CTNND2: variants seen among roughly 807,000 people sequenced by gnomAD.
The protein encoded by CTNND2 is catenin delta 2.
CTNND2 carries 22 observed loss-of-function variants against 144.4 expected under a neutral mutation model. The ratio of observed to expected loss-of-function variants is 0.15; its 90% CI spans 0.11 to 0.22. The LOEUF is 0.22. Among genes scored for constraint, CTNND2 ranks in the 10% least tolerant of loss-of-function variants. The probability of loss-of-function intolerance (pLI) is 1.00; values close to 1 mark genes in which losing one functional copy is unlikely to be tolerated. For missense variants in CTNND2, 1,353 were observed against 1,618.8 expected (o/e 0.84, Z 2.82); for synonymous variants, 751 against 695.6 (o/e 1.08, Z -1.25).
At chr5:11,793,356 T>A (rs1791238263) in intron 1 of CTNND2, among the ~76,000 whole-genome samples, 1 of 152,144 alleles carries the variant, frequency 6.6e-6, no homozygotes, top group Non-Finnish European at 1.5e-5. Context: ...TCACACACAG[T>A]ATTATTGGTT....
chr5:11,856,944 T>G (rs1471322095), intron 1 of CTNND2, among the ~76,000 whole-genome samples: 2 of 152,178 alleles, frequency 1.3e-5, no homozygotes, highest in African/African-American at 2.4e-5. Flanking sequence ...TTCAAAATTA[T>G]CAAATTCCCA....
intron 14 of CTNND2, among the ~76,000 whole-genome samples, chr5:11,109,844 C>A (rs1365311426): frequency 6.6e-6 from 1 of 151,174 alleles, no homozygotes; most frequent in East Asian, 1.9e-4. Flanking sequence ...TCTGCTTTTT[C>A]AAGAAACACA....
chr5:11,799,878 T>C (rs569002875), intron 1 of CTNND2, among the ~76,000 whole-genome samples: 20 of 152,284 alleles, frequency 1.3e-4, no homozygotes, highest in Non-Finnish European at 2.8e-4. Flanking sequence ...AGAGGAATGC[T>C]AGATTCAGAC....
intron 2 of CTNND2, among the ~76,000 whole-genome samples, chr5:11,654,955 T>C (rs1331061678): frequency 6.6e-6 from 1 of 152,082 alleles, no homozygotes; most frequent in Non-Finnish European, 1.5e-5. Context: ...TTTTTAATCA[T>C]GAAAAGATGT....
At chr5:11,827,128 C>G (rs1478628110) in intron 1 of CTNND2, among the ~76,000 whole-genome samples, 1 of 152,000 alleles carries the variant, frequency 6.6e-6, no homozygotes, top group Non-Finnish European at 1.5e-5. Context: ...AAAACATTCC[C>G]TCTAAACAAA....
chr5:11,749,267 A>G (rs555145085), intron 1 of CTNND2, among the ~76,000 whole-genome samples: 23 of 152,058 alleles, frequency 1.5e-4, no homozygotes, highest in Non-Finnish European at 2.1e-4. Context: ...CATGAGATAA[A>G]TATTAGTTGT....
chr5:11,221,626 C>G (rs968270006), intron 10 of CTNND2, among the ~76,000 whole-genome samples: 2 of 152,196 alleles, frequency 1.3e-5, no homozygotes, highest in Admixed American at 1.3e-4. Flanking sequence ...TCACATGATA[C>G]GAAGCCTTCT....
At chr5:11,821,084 G>T (rs1400968501) in intron 1 of CTNND2, among the ~76,000 whole-genome samples, 1 of 152,112 alleles carries the variant, frequency 6.6e-6, no homozygotes, top group Non-Finnish European at 1.5e-5. Flanking sequence ...TTCTCCAAAT[G>T]TTAGCCAGTT....
At chr5:11,723,426 TGAA>T (rs1363758471) in intron 2 of CTNND2, among the ~76,000 whole-genome samples, 1 of 152,112 alleles carries the variant, frequency 6.6e-6, no homozygotes, top group Non-Finnish European at 1.5e-5. Context: ...GGGCACATTC[TGAA>T]GCGATATGCA....
intron 2 of CTNND2, among the ~76,000 whole-genome samples, chr5:11,593,703 A>G (rs764086949): frequency 2.3e-4 from 35 of 152,096 alleles, no homozygotes; most frequent in Non-Finnish European, 4.0e-4. Context: ...TTCACTTTCC[A>G]TCATGATTGT....
At chr5:11,877,141 T>C (rs985728674) in intron 1 of CTNND2, among the ~76,000 whole-genome samples, 2 of 152,158 alleles carry the variant, frequency 1.3e-5, no homozygotes, top group Non-Finnish European at 2.9e-5. Context: ...AAGAATGTTT[T>C]AATTCCTGGT....
At chr5:11,590,447 A>C (rs1319336023) in intron 2 of CTNND2, among the ~76,000 whole-genome samples, 4 of 152,126 alleles carry the variant, frequency 2.6e-5, no homozygotes, top group Non-Finnish European at 5.9e-5. Context: ...CCCAGCATCA[A>C]ATCCATTCTC....
At chr5:11,385,362 T>G (rs1758977021) in intron 6 of CTNND2, 133 bp from the exon 7 acceptor site, 1 of 477,788 alleles carries the variant, frequency 2.1e-6, no homozygotes, top group Non-Finnish European at 2.7e-6. Context: ...CGATCCCAGC[T>G]GCGCTCGGGG....
chr5:11,240,156 T>TCA (rs1174304497), intron 9 of CTNND2, among the ~76,000 whole-genome samples: 1 of 30,220 alleles, frequency 3.3e-5, no homozygotes, highest in Non-Finnish European at 6.9e-5. Flanking sequence ...ACACACACAT[T>TCA]CACACACACA....
chr5:11,297,138 G>A (rs1000589601), intron 9 of CTNND2, among the ~76,000 whole-genome samples: 5 of 152,160 alleles, frequency 3.3e-5, no homozygotes, highest in Admixed American at 6.6e-5. Flanking sequence ...CATCACAGAT[G>A]TTCATAAAAG....
rs1232627080 is a variant in CTNND2, at chr5:11,903,845, C to G, written c.9G>C (p.Ala3=). The G allele has an allele frequency of 1.6e-5, 24 of 1,483,800 alleles. No individual in the cohort carries two copies. The highest frequency in any genetic ancestry group is 2.9e-5 in the African/African-American group (2 of 68,210). The allele number at this position is 1,483,800 out of a possible 1,614,324, so 91.9% of individuals were successfully genotyped here. Reference sequence around the variant, plus strand: ...AAGGCGCGGCGCCCGGCGGCTTCCTCGCAAACATGCACCCTCCGCCGGCGA... The same window carrying G: ...AAGGCGCGGCGCCCGGCGGCTTCCTGGCAAACATGCACCCTCCGCCGGCGA... MF[A]RKPPGAAPLG... The change falls in exon 1 of 22, where the codon GCG becomes GCC. Residue 3 remains alanine, a synonymous_variant. Transcript: ENST00000304623. This position sits in a 1 kb window ranked among gnomAD's most constrained non-coding sequence, Gnocchi z 5.4.
chr5:11,806,875 C>G (rs1197148757), intron 1 of CTNND2, among the ~76,000 whole-genome samples: 2 of 151,942 alleles, frequency 1.3e-5, no homozygotes, highest in Admixed American at 1.3e-4. Flanking sequence ...TTTTATTAAG[C>G]AAAACCATGG....
At chr5:11,877,272 C>T (rs530032948) in intron 1 of CTNND2, among the ~76,000 whole-genome samples, 42 of 152,038 alleles carry the variant, frequency 2.8e-4, no homozygotes, top group African/African-American at 1.0e-3. Flanking sequence ...CATTATTTTC[C>T]TAATTTCTTG....
At position 11,130,883 on chromosome 5, in the gene CTNND2, G is replaced by A. The variant is rs535052343; in HGVS notation, c.2160-13316C>T. 1.1e-4 allele frequency among the ~76,000 whole-genome samples: 17 copies of A among 152,238 alleles called. No homozygotes were observed. The South Asian group carries it at 3.5e-3, about 32-fold the overall frequency. On this transcript the variant is annotated intron_variant, in intron 12 of 21. Coordinates refer to ENST00000304623, the MANE Select transcript of CTNND2 (RefSeq NM_001332.4). ...CATGGTAGGCTCAGAAAATCAGGGT[G>A]TACTATATATTGAAAGCCGCCCATA...
Sources: allele counts gnomAD v4.1 joint callset (sites outside exome capture counted in the v4.1 genomes callset), GRCh38; gene constraint gnomAD v4.1.1; non-coding constraint Gnocchi (gnomAD v3.1); transcripts MANE v1.5; gene names NCBI Gene and HGNC (gene_info 2026-07-23, HGNC 2026-07-21).